SH2D1B: variants seen among roughly 807,000 people sequenced by gnomAD.
The protein encoded by SH2D1B is SH2 domain containing 1B.
A neutral mutation model predicts 16.3 loss-of-function variants in SH2D1B; 11 were observed. That is an observed-to-expected ratio of 0.67 (90% CI 0.42 to 1.11). SH2D1B has a LOEUF of 1.11. SH2D1B is among the 50% of genes most tolerant of loss of function. SH2D1B has a pLI of 0.00. For missense variants in SH2D1B, 123 were observed against 153.1 expected (o/e 0.80, Z 1.04); for synonymous variants, 55 against 56.1 (o/e 0.98, Z 0.09).
intron 1 of SH2D1B, among the ~76,000 whole-genome samples, chr1:162,408,417 T>C (rs1217366148): frequency 1.4e-5 from 2 of 147,870 alleles, no homozygotes; most frequent in Non-Finnish European, 3.0e-5. Context: ...TTCTCTTCTT[T>C]TTTTTTTTTT....
chr1:162,398,373 T>A (rs1648429488), intron 3 of SH2D1B, among the ~76,000 whole-genome samples: 1 of 152,190 alleles, frequency 6.6e-6, no homozygotes, highest in Non-Finnish European at 1.5e-5. Flanking sequence ...TTCAAGAGTG[T>A]GGGTAAGGAA....
In SH2D1B at chr1:162,402,809, A is replaced by G. The variant is rs752890456; in HGVS notation, c.135-7T>C. The stretch of plus-strand genomic sequence containing the variant: ...GTAGACAATATTTTTAAACCTGTGG[A>G]AAAAATGACTGTGTGAATCAAAATG... On this transcript the variant is annotated splice_region_variant and splice_polypyrimidine_tract_variant and intron_variant, in intron 1 of 3. Transcript: ENST00000367929. The G allele has an allele frequency of 6.2e-6, 10 of 1,609,974 alleles. No individual in the cohort carries two copies. In the South Asian group the frequency reaches 9.9e-5, roughly 16 times the overall value.
Position 162,395,557 on chromosome 1 carries a change from A to G in SH2D1B, c.*1723T>C, listed in dbSNP as rs1648354373. ...AGGAGGCCCTAACCAATGGGTAAAC[A>G]TAAAAAATAAATGAGCATAGGTATT... On this transcript the variant is annotated 3_prime_UTR_variant, in exon 4 of 4. Coordinates refer to ENST00000367929, the MANE Select transcript of SH2D1B (RefSeq NM_053282.5). 1 of 152,242 alleles carries G rather than the reference A, an allele frequency of 6.6e-6. No homozygotes were observed. Among genetic ancestry groups the G allele is most frequent in the East Asian group, 1.9e-4 (1 of 5,202 alleles). The allele number at this position is 152,242 out of a possible 1,614,324, so 9.4% of individuals were successfully genotyped here.
At chr1:162,403,540 A>G (rs887599921) in intron 1 of SH2D1B, among the ~76,000 whole-genome samples, 20 of 124,276 alleles carry the variant, frequency 1.6e-4, no homozygotes, top group African/African-American at 6.1e-4. Flanking sequence ...ATATATATAT[A>G]TATGTAATTA....
chr1:162,404,521 T>C (rs1464308890), intron 1 of SH2D1B, among the ~76,000 whole-genome samples: 4 of 152,156 alleles, frequency 2.6e-5, no homozygotes, highest in African/African-American at 7.2e-5. Context: ...TAAGTACATA[T>C]AATTTTATCT....
Position 162,412,067 on chromosome 1 carries a change from C to T in SH2D1B, c.-51G>A. 5 of 1,611,316 alleles carry T rather than the reference C, an allele frequency of 3.1e-6. No homozygotes were observed. Among genetic ancestry groups the T allele is most frequent in the Non-Finnish European group, 4.2e-6 (5 of 1,178,090 alleles). ...GCCCTGTTGGCCTGAAATTCACCCC[C>T]AAGTCAAGGGACAGCTCTGAGGAGA... On this transcript the variant is annotated 5_prime_UTR_variant, in exon 1 of 4. Transcript: ENST00000367929.
intron 1 of SH2D1B, among the ~76,000 whole-genome samples, chr1:162,407,045 C>G (rs958737613): frequency 1.3e-5 from 2 of 152,200 alleles, no homozygotes; most frequent in Non-Finnish European, 2.9e-5. Flanking sequence ...CTGGTTAGTG[C>G]CATATGCTGC....
Position 162,402,567 on chromosome 1 carries a change from C to T in SH2D1B, c.198+172G>A, listed in dbSNP as rs1343883513. The T allele has an allele frequency of 4.2e-5, 24 of 573,976 alleles. No individual in the cohort carries two copies. The Admixed American group carries it at 7.0e-4, about 17-fold the overall frequency. The allele number at this position is 573,976 out of a possible 1,614,324, so 35.6% of individuals were successfully genotyped here. ...AAGTAGAACCCAAGCCTAGAACCTT[C>T]CTATTTCTCTTCAGGGAAAAACCAG... On this transcript the variant is annotated intron_variant, in intron 2 of 3. Transcript: ENST00000367929.
At chr1:162,399,171 G>A in intron 2 of SH2D1B, 84 bp from the exon 3 acceptor site, 10 of 1,361,180 alleles carry the variant, frequency 7.3e-6, no homozygotes, top group Non-Finnish European at 1.0e-5. Context: ...TGGGTTTTCA[G>A]GGCTGCCCTT....
At chr1:162,404,742 A>G (rs746424646) in intron 1 of SH2D1B, among the ~76,000 whole-genome samples, 2 of 152,252 alleles carry the variant, frequency 1.3e-5, no homozygotes, top group African/African-American at 2.4e-5. Context: ...TCAACTCACA[A>G]TGAGATACCA....
Sources: gnomAD v4.1 joint callset for allele counts (sites outside exome capture counted in the v4.1 genomes callset) on GRCh38, gnomAD v4.1.1 for gene constraint, MANE v1.5 for transcripts, NCBI Gene and HGNC (gene_info 2026-07-23, HGNC 2026-07-21) for gene names.